The following XPO1 variants were observed in gnomAD, a reference collection of about 807,000 sequenced individuals.
The protein encoded by XPO1 is exportin 1, also known as exportin-1.
Under a neutral mutation model 133.3 loss-of-function variants are expected in XPO1, and 5 were observed. The ratio of observed to expected loss-of-function variants is 0.04; its 90% confidence interval spans 0.02 to 0.08. XPO1 has a LOEUF of 0.08. Among genes scored for constraint, XPO1 ranks in the 10% least tolerant of loss-of-function variants. XPO1 has a pLI of 1.00. For missense variants in XPO1, 506 were observed against 1,267.5 expected, an observed-to-expected ratio of 0.40 and a Z score of 9.12; for synonymous variants, 419 against 408.2, an observed-to-expected ratio of 1.03 and a Z score of -0.32.
intron 20 of XPO1, chr2:61,485,473 A>AACCCCCCCCCCCCC (rs1553402570): frequency 9.7e-6 from 1 of 103,552 alleles, no homozygotes; most frequent in Non-Finnish European, 2.0e-5. Flanking sequence ...GGCTCAAGTG[A>AACCCCCCCCCCCCC]CCCCCCCCCC....
intron 20 of XPO1, chr2:61,484,346 G>A (rs1696563850): frequency 1.2e-5 from 5 of 431,770 alleles, no homozygotes; most frequent in Non-Finnish European, 2.1e-5. Flanking sequence ...TTTTAATAGA[G>A]AACTCATCTA....
At chr2:61,484,248 C>A (rs576934211) in intron 20 of XPO1, 143 bp from the exon 21 acceptor site, 7 of 661,430 alleles carry the variant, frequency 1.1e-5, no homozygotes, top group East Asian at 2.8e-5. Flanking sequence ...GAAAGGTAAA[C>A]CCAAGTAAAA....
intron 3 of XPO1, among the ~76,000 whole-genome samples, chr2:61,524,487 G>A (rs1171161207): frequency 6.6e-6 from 1 of 152,186 alleles, no homozygotes; most frequent in Non-Finnish European, 1.5e-5. Context: ...CAAGGGGGTT[G>A]AAGCAGGGAG....
intron 4 of XPO1, among the ~76,000 whole-genome samples, chr2:61,518,734 C>CA (rs1698536464): frequency 1.3e-5 from 2 of 152,078 alleles, no homozygotes; most frequent in Admixed American, 1.3e-4. Flanking sequence ...CTAAAACAGC[C>CA]AAGTGTAATG....
intron 20 of XPO1, chr2:61,485,066 G>C (rs918968989): frequency 6.6e-6 from 1 of 152,158 alleles, no homozygotes; most frequent in East Asian, 1.9e-4. Flanking sequence ...TTTTAATAGA[G>C]ATGGGGTTTT....
chr2:61,482,597 GTTTTTTTTTGTTTTGT>G, intron 22 of XPO1, 58 bp from the exon 23 acceptor site: 11 of 1,195,106 alleles, frequency 9.2e-6, no homozygotes, highest in Non-Finnish European at 1.2e-5. Flanking sequence ...AGATCTTAGC[GTTTTTTTTTGTTTTGT>G]TTTTTTTTTT....
Position 61,482,033 on chromosome 2 carries a change from C to CTTTTTTT in XPO1, c.2972+346_2972+347insAAAAAAA, listed in dbSNP as rs1491506588. ...TACAGTCATGAGCCACCGTGCGTGGCCTTTTTTTTTTTTTTTTTTTTTTTG... is the reference window on the plus strand; with the variant it reads ...TACAGTCATGAGCCACCGTGCGTGGCTTTTTTTCTTTTTTTTTTTTTTTTTTTTTTTG... On this transcript the variant is annotated intron_variant, in intron 23 of 24. Transcript: ENST00000401558. 6.6e-4 allele frequency among the ~76,000 whole-genome samples: 57 copies of CTTTTTTT among 86,812 alleles called. 10 individuals carry two copies. The highest frequency in any genetic ancestry group is 1.1e-3 in the East Asian group (3 of 2,686). The allele number at this position is 86,812 out of a possible 152,430, so 57.0% of individuals were successfully genotyped here.
At chr2:61,533,474 T>C (rs542553076) in intron 2 of XPO1, among the ~76,000 whole-genome samples, 1 of 152,306 alleles carries the variant, frequency 6.6e-6, no homozygotes, top group Admixed American at 6.5e-5. Context: ...ATCGTATTAG[T>C]GCCAAACATA....
At chr2:61,525,209 G>A (rs910153916) in intron 3 of XPO1, 3 of 943,684 alleles carry the variant, frequency 3.2e-6, no homozygotes, top group African/African-American at 1.8e-5. Context: ...CCCTCCCACC[G>A]CCCATGAAAC....
chr2:61,526,757 G>T (rs1305715019), intron 2 of XPO1, among the ~76,000 whole-genome samples: 1 of 149,992 alleles, frequency 6.7e-6, no homozygotes, highest in Non-Finnish European at 1.5e-5. Context: ...ACCCAGGCTG[G>T]ACTGCAGTGG....
chr2:61,488,467 G>T, intron 18 of XPO1, 121 bp downstream of exon 18: 1 of 1,189,452 alleles, frequency 8.4e-7, no homozygotes, highest in Non-Finnish European at 1.2e-6. Context: ...TATGTCTAGG[G>T]TCATTTGGGA....
At chr2:61,483,129 A>T in intron 21 of XPO1, 38 bp from the exon 22 acceptor site, 1 of 1,587,122 alleles carries the variant, frequency 6.3e-7, no homozygotes, top group African/African-American at 1.4e-5. Flanking sequence ...GTTACTACAG[A>T]CTGACAGCAC....
chr2:61,485,230 C>G (rs548870437), intron 20 of XPO1: 1 of 152,370 alleles, frequency 6.6e-6, no homozygotes, highest in African/African-American at 2.4e-5. Flanking sequence ...ATATACTACA[C>G]TTTTATAATT....
At chr2:61,482,014 C>A (rs1373910802) in intron 23 of XPO1, among the ~76,000 whole-genome samples, 1 of 49,386 alleles carries the variant, frequency 2.0e-5, no homozygotes, top group African/African-American at 8.5e-5. Context: ...GGATTACAGT[C>A]ATGAGCCACC....
At chr2:61,525,175 T>C (rs1389583838) in intron 3 of XPO1, 2 of 670,346 alleles carry the variant, frequency 3.0e-6, no homozygotes, top group Non-Finnish European at 3.7e-6. Context: ...GAAATACTTA[T>C]TTTATGCATT....
At chr2:61,525,822 T>G in intron 3 of XPO1, 1 of 1,040,206 alleles carries the variant, frequency 9.6e-7, no homozygotes, top group Non-Finnish European at 1.2e-6. Context: ...AGTGGAAACC[T>G]TTCGTGTATT....
rs1448637648 is a variant in XPO1 at position 61,499,982 on chromosome 2, C to A, written c.409-88G>T. On this transcript the variant is annotated intron_variant, in intron 6 of 24. Transcript: ENST00000401558. ...AAAGAAATTATGTAATGGATAAAGG[C>A]AGGAGTAAGGATAAATCACTTTTCA... The A allele has an allele frequency of 2.3e-6, 3 of 1,283,176 alleles. No individual in the cohort carries two copies. In the East Asian group the frequency reaches 7.1e-5, roughly 31 times the overall value. The allele number at this position is 1,283,176 out of a possible 1,614,324, so 79.5% of individuals were successfully genotyped here.
chr2:61,480,104 ATCTG>A, intron 24 of XPO1, among the ~76,000 whole-genome samples: 1 of 151,966 alleles, frequency 6.6e-6, no homozygotes, highest in Non-Finnish European at 1.5e-5. Flanking sequence ...ACCTCAACTG[ATCTG>A]TCTGCCTCGG....
At chr2:61,503,862 T>G (rs1431459389) in intron 4 of XPO1, among the ~76,000 whole-genome samples, 1 of 152,222 alleles carries the variant, frequency 6.6e-6, no homozygotes, top group Non-Finnish European at 1.5e-5. Flanking sequence ...CCACCAGGCC[T>G]GGCCCAAACT....
Sources: allele counts gnomAD v4.1 joint callset (sites outside exome capture counted in the v4.1 genomes callset), GRCh38; gene constraint gnomAD v4.1.1; transcripts MANE v1.5; gene names NCBI Gene and HGNC (gene_info 2026-07-23, HGNC 2026-07-21).